Variants in ZNF837 observed in about 807,000 individuals in gnomAD.
ZNF837 encodes the protein zinc finger protein 837.
For synonymous variants in ZNF837, 475 were observed against 365.2 expected, an observed-to-expected ratio of 1.30 and a Z score of -3.43; for missense variants, 955 against 801.7, an observed-to-expected ratio of 1.19 and a Z score of -2.31.
intron 1 of ZNF837, among the ~76,000 whole-genome samples, chr19:58,375,013 C>A (rs1160741684): frequency 6.6e-6 from 1 of 150,560 alleles, no homozygotes; most frequent in Non-Finnish European, 1.5e-5. Flanking sequence ...AATCCCAACA[C>A]TTTAGGAGGC....
At position 58,369,050 on chromosome 19, in the gene ZNF837, T is replaced by C. The variant is rs1490266676; in HGVS notation, c.283A>G (p.Thr95Ala). Residue 95 changes from threonine (T) to alanine (A), a missense_variant, in exon 3 of 3, where the codon ACC (threonine) becomes GCC (alanine). Transcript: ENST00000597582. ...ACCAGCTCAGGGTTCTGAGAAGAGG[T>C]GGGGCCGCACGGCTCCCGCACGAGG... ...RPLVREPCGP[T>A]SSQNPELVIP... 6.6e-7 allele frequency: 1 copy of C among 1,515,268 alleles called. No individual in the cohort carries two copies. The highest frequency in any genetic ancestry group is 8.8e-7 in the Non-Finnish European group (1 of 1,130,600). The allele number at this position is 1,515,268 out of a possible 1,614,324, so 93.9% of individuals were successfully genotyped here. A position where few individuals can be genotyped will look rare whatever the true frequency, so the allele number is the denominator to read the frequency against.
Position 58,368,576 on chromosome 19 carries a change from C to T in ZNF837, c.757G>A (p.Gly253Ser), listed in dbSNP as rs1191271666. 1.3e-6 allele frequency: 2 copies of T among 1,536,282 alleles called. No homozygotes were observed. The highest frequency in any genetic ancestry group is 1.7e-6 in the Non-Finnish European group (2 of 1,144,590). Reference sequence around the variant, plus strand: ...ATAGGGCGAGGTCGCGAGGTTTGGCCGCACTCAGGACACACTGGGGGACTC... The same window carrying T: ...ATAGGGCGAGGTCGCGAGGTTTGGCTGCACTCAGGACACACTGGGGGACTC... ...GKSPPVCPECGQTSRPRPIVP... is the reference protein window; with the variant it reads ...GKSPPVCPECSQTSRPRPIVP... The change falls in exon 3 of 3, where the codon GGC becomes AGC. Residue 253 changes from glycine to serine, a missense_variant. Physicochemically the swap from Gly to Ser is moderately conservative, Grantham distance 56. Transcript: ENST00000597582.
chr19:58,376,424 A>G (rs919234498), intron 1 of ZNF837, among the ~76,000 whole-genome samples: 2 of 151,332 alleles, frequency 1.3e-5, no homozygotes, highest in East Asian at 3.9e-4. Context: ...GTGTGGTGGC[A>G]GGCGCCTGTA....
At position 58,368,693 on chromosome 19, in the gene ZNF837, G is replaced by T. The variant is rs1424181523; in HGVS notation, c.640C>A (p.Pro214Thr). The change falls in exon 3 of 3, where the codon CCC becomes ACC. Residue 214 changes from proline (P) to threonine (T), a missense_variant. Transcript: ENST00000597582. ...TCCGTCGCCTGCAGCCTCTCCTGGG[G>T]GATCCGCAGGGCCCTCCACGCAAAG... is the stretch of plus-strand genomic sequence containing the variant. Reference protein sequence around the residue: ...EAFAWRALRIPQERLQATEEP... With the variant: ...EAFAWRALRITQERLQATEEP... 6.5e-7 allele frequency: 1 copy of T among 1,533,498 alleles called. No homozygotes were observed. Among genetic ancestry groups the T allele is most frequent in the African/African-American group, 1.4e-5 (1 of 73,052 alleles). 95.0% of individuals were successfully genotyped at this position (1,533,498 alleles called of 1,614,324 possible).
chr19:58,372,759 C>T (rs761798484), intron 1 of ZNF837, among the ~76,000 whole-genome samples: 8 of 152,192 alleles, frequency 5.3e-5, no homozygotes, highest in Non-Finnish European at 1.2e-4. Flanking sequence ...GCATTGATGG[C>T]CAGCACTCTG....
In ZNF837 at chr19:58,368,214, C is replaced by T; in HGVS notation, c.1119G>A (p.Gly373=). Residue 373 remains glycine (G), a synonymous_variant, in exon 3 of 3, where the codon GGG becomes GGA. Transcript: ENST00000597582. ...YECADCAKAF[G]LFSHLVEHRR... ...GGTGCTCCACGAGGTGCGAGAACAGCCCGAAGGCCTTGGCGCAGTCGGCGC... is the reference window on the plus strand; with the variant it reads ...GGTGCTCCACGAGGTGCGAGAACAGTCCGAAGGCCTTGGCGCAGTCGGCGC... The T allele has an allele frequency of 1.3e-6, 2 of 1,543,028 alleles. No individual in the cohort carries two copies. Among genetic ancestry groups the T allele is most frequent in the South Asian group, 1.2e-5 (1 of 83,452 alleles).
In ZNF837 at chr19:58,368,589, C is replaced by T. The variant is rs1372622175; in HGVS notation, c.744G>A (p.Val248=). The change falls in exon 3 of 3, where the codon GTG becomes GTA. Residue 248 remains valine (V), a synonymous_variant. Coordinates refer to ENST00000597582, the MANE Select transcript of ZNF837 (RefSeq NM_138466.2). ...GCGAGGTTTGGCCGCACTCAGGACA[C>T]ACTGGGGGACTCTTGCCCGCCTGCT... The part of the protein sequence containing the change: ...QQQQAGKSPP[V]CPECGQTSRP... 18 of 1,535,458 alleles carry T rather than the reference C, an allele frequency of 1.2e-5. No individual in the cohort carries two copies. Among genetic ancestry groups the T allele is most frequent in the Non-Finnish European group, 1.6e-5 (18 of 1,144,846 alleles).
chr19:58,368,018 G>A lies in ZNF837; in HGVS notation c.1315C>T (p.Arg439Cys). 3.3e-6 allele frequency: 5 copies of A among 1,534,476 alleles called. No individual in the cohort carries two copies. The highest frequency in any genetic ancestry group is 4.4e-6 in the Non-Finnish European group (5 of 1,144,998). The change falls in exon 3 of 3, where the codon CGC becomes TGC. Residue 439 changes from arginine to cysteine, a missense_variant. Coordinates refer to ENST00000597582, the MANE Select transcript of ZNF837 (RefSeq NM_138466.2). ...TAGGGCCGCTCGCCGGTGTGCGCGC[G>A]CTGGTGTTGCACCAGGCCCGAGCGG... Reference protein sequence around the residue: ...KGRSGLVQHQRAHTGERPYGC... With the variant: ...KGRSGLVQHQCAHTGERPYGC...
rs1397397100 is a variant in ZNF837 at position 58,367,847 on chromosome 19, T to TGCGC, written c.1482_1485dup (p.Thr496AlafsTer68). 1 of 1,533,722 alleles carries TGCGC rather than the reference T, an allele frequency of 6.5e-7. No individual in the cohort carries two copies. The highest frequency in any genetic ancestry group is 8.7e-7 in the Non-Finnish European group (1 of 1,144,006). On this transcript the variant is annotated frameshift_variant, in exon 3 of 3. Transcript: ENST00000597582. LOFTEE classifies it low-confidence loss of function (END_TRUNC). ...GCGTAGGGCCGCTCGCCCGTGTGCG[T>TGCGC]GCGCAGGTGGCGCACCAGGCTGCAG...
intron 1 of ZNF837, among the ~76,000 whole-genome samples, chr19:58,374,868 G>A (rs1309411788): frequency 3.3e-5 from 5 of 151,392 alleles, no homozygotes; most frequent in Non-Finnish European, 7.4e-5. Flanking sequence ...GGGAGGTGGA[G>A]GCTGCAGTGA....
chr19:58,377,490 C>A (rs1209846419), intron 1 of ZNF837, among the ~76,000 whole-genome samples: 2 of 143,052 alleles, frequency 1.4e-5, no homozygotes, highest in African/African-American at 2.6e-5. Flanking sequence ...AAAAAAAAAA[C>A]TATCCAGGTG....
chr19:58,374,557 G>A (rs1025839086), intron 1 of ZNF837, among the ~76,000 whole-genome samples: 1 of 151,898 alleles, frequency 6.6e-6, no homozygotes, highest in African/African-American at 2.4e-5. Context: ...TGCTTTACGG[G>A]TATCAAGTTT....
chr19:58,378,787 G>A (rs1050885164), intron 1 of ZNF837, among the ~76,000 whole-genome samples: 3 of 152,202 alleles, frequency 2.0e-5, no homozygotes, highest in East Asian at 1.9e-4. Flanking sequence ...AATGACAGGT[G>A]TCCTTATGAA....
intron 1 of ZNF837, among the ~76,000 whole-genome samples, chr19:58,374,585 T>C (rs1179012781): frequency 6.6e-6 from 1 of 152,070 alleles, no homozygotes; most frequent in Non-Finnish European, 1.5e-5. Flanking sequence ...ATTAAAATGT[T>C]CTGGAAATTA....
At chr19:58,369,653 C>A (rs796359452) in intron 2 of ZNF837, 166 bp downstream of exon 2, 4 of 255,824 alleles carry the variant, frequency 1.6e-5, no homozygotes, top group African/African-American at 8.9e-5. Context: ...TCCCTGGTCC[C>A]CCTTCCCCAA....
Position 58,367,780 on chromosome 19 carries a change from A to T in ZNF837, c.1553T>A (p.Leu518His). Residue 518 changes from leucine (L) to histidine (H), a missense_variant, in exon 3 of 3, where the codon CTC becomes CAC. Physicochemically the swap from Leu to His is moderately conservative, Grantham distance 99. Coordinates refer to ENST00000597582, the MANE Select transcript of ZNF837 (RefSeq NM_138466.2). ...CGRAFSQRSN[L>H]NEHRKRHGGR... is the part of the protein sequence containing the mutation. The stretch of plus-strand genomic sequence containing the variant: ...CCCGTGCCGCTTCCGGTGCTCGTTG[A>T]GGTTGGAGCGTTGGCTGAAGGCGCG... 6.5e-7 allele frequency: 1 copy of T among 1,535,558 alleles called. No homozygotes were observed. Among genetic ancestry groups the T allele is most frequent in the East Asian group, 2.4e-5 (1 of 40,858 alleles).
Position 58,368,914 on chromosome 19 carries a change from T to C in ZNF837, c.419A>G (p.Glu140Gly), listed in dbSNP as rs1214203500. 4 of 1,547,224 alleles carry C rather than the reference T, an allele frequency of 2.6e-6. No individual in the cohort carries two copies. Among genetic ancestry groups the C allele is most frequent in the East Asian group, 2.5e-5 (1 of 40,816 alleles). Residue 140 changes from glutamate to glycine, a missense_variant, in exon 3 of 3, where the codon GAG becomes GGG. Glu to Gly is a moderately conservative substitution (Grantham distance 98, BLOSUM62 -2). Transcript: ENST00000597582. ...ACAGGGGTCACACACGGGTGGCGTC[T>C]CCCCAGCGGGCGCCCCGCGATGCCA... ...LAWHRGAPAG[E>G]TPPVCDPCPE...
At chr19:58,373,374 C>CT (rs2052217302) in intron 1 of ZNF837, among the ~76,000 whole-genome samples, 1 of 152,226 alleles carries the variant, frequency 6.6e-6, no homozygotes, top group African/African-American at 2.4e-5. Context: ...AGGAACTTCT[C>CT]TGAGTACGAG....
chr19:58,371,680 T>C (rs2052203319), intron 1 of ZNF837, among the ~76,000 whole-genome samples: 1 of 151,994 alleles, frequency 6.6e-6, no homozygotes, highest in Admixed American at 6.6e-5. Context: ...TGTCCTGTGT[T>C]CCCTATTCTG....
Sources: gnomAD v4.1 joint callset for allele counts (sites outside exome capture counted in the v4.1 genomes callset) on GRCh38, gnomAD v4.1.1 for gene constraint, MANE v1.5 for transcripts, NCBI Gene and HGNC (gene_info 2026-07-23, HGNC 2026-07-21) for gene names.